The following DHX40 variants were observed in gnomAD, a reference collection of about 807,000 sequenced individuals.
The protein encoded by DHX40 is DEAH-box helicase 40, also known as probable ATP-dependent RNA helicase DHX40.
A neutral mutation model predicts 89.6 loss-of-function variants in DHX40; 28 were observed. The observed-to-expected ratio is 0.31, with a 90% CI of 0.23 to 0.43. The LOEUF (loss-of-function observed/expected upper bound fraction) is 0.43. DHX40 is among the 20% of genes least tolerant of loss of function. The probability of loss-of-function intolerance (pLI) is 1.00; values close to 1 mark genes in which losing one functional copy is unlikely to be tolerated. For synonymous variants in DHX40, 226 were observed against 283.6 expected, an observed-to-expected ratio of 0.80 and a Z score of 2.04; for missense variants, 457 against 844.0, an observed-to-expected ratio of 0.54 and a Z score of 5.68.
At chr17:59,587,705 G>A (rs2049019200) in intron 11 of DHX40, among the ~76,000 whole-genome samples, 191 bp from the exon 12 acceptor site, 1 of 151,846 alleles carries the variant, frequency 6.6e-6, no homozygotes, top group Admixed American at 6.6e-5. Context: ...TGATCCACCT[G>A]CCTCAGCTTC....
At chr17:59,587,295 C>T (rs566092188) in intron 11 of DHX40, among the ~76,000 whole-genome samples, 2 of 151,284 alleles carry the variant, frequency 1.3e-5, no homozygotes, top group Non-Finnish European at 2.9e-5. Context: ...GCAATCTCAC[C>T]TCACTGCAAT....
intron 12 of DHX40, among the ~76,000 whole-genome samples, chr17:59,589,099 C>A (rs1346682142): frequency 6.6e-6 from 1 of 151,780 alleles, no homozygotes; most frequent in Non-Finnish European, 1.5e-5. Flanking sequence ...TTTATAGTAA[C>A]TCTTGAAGTT....
intron 12 of DHX40, among the ~76,000 whole-genome samples, chr17:59,591,482 G>C (rs2049081881): frequency 6.6e-6 from 1 of 151,476 alleles, no homozygotes; most frequent in Non-Finnish European, 1.5e-5. Context: ...CAAGAAGTTG[G>C]ATTAAGGTGA....
Position 59,607,267 on chromosome 17 carries a change from T to C in DHX40, c.*95T>C, listed in dbSNP as rs1320940918. On this transcript the variant is annotated 3_prime_UTR_variant, in exon 18 of 18. Coordinates refer to ENST00000251241, the MANE Select transcript of DHX40 (RefSeq NM_024612.5). ...TTCAGACAGCACTACCAAGAGGAGG[T>C]GGTCAGCACTTGTTATTGGCCTATG... is the stretch of plus-strand genomic sequence containing the variant. The C allele has an allele frequency of 6.2e-7, 1 of 1,612,182 alleles. No homozygotes were observed.
chr17:59,589,101 C>T (rs1390222278), intron 12 of DHX40, among the ~76,000 whole-genome samples: 1 of 151,382 alleles, frequency 6.6e-6, no homozygotes, highest in Non-Finnish European at 1.5e-5. Flanking sequence ...TATAGTAACT[C>T]TTGAAGTTTT....
chr17:59,571,422 A>C (rs1438019545), intron 3 of DHX40, among the ~76,000 whole-genome samples: 5 of 146,188 alleles, frequency 3.4e-5, no homozygotes. Flanking sequence ...GCGCCACTGC[A>C]CTCCAGCCTG....
At chr17:59,601,856 A>G (rs1401510412) in intron 14 of DHX40, among the ~76,000 whole-genome samples, 1 of 152,194 alleles carries the variant, frequency 6.6e-6, no homozygotes, top group African/African-American at 2.4e-5. Flanking sequence ...GTGCAGGGCT[A>G]GTTATTCCCC....
chr17:59,600,024 G>A (rs1021878755), intron 14 of DHX40, among the ~76,000 whole-genome samples: 12 of 151,858 alleles, frequency 7.9e-5, no homozygotes, highest in South Asian at 6.2e-4. Flanking sequence ...GGGTTTTGCC[G>A]TGTTGGCCAG....
At chr17:59,596,486 T>C (rs1354501502) in intron 12 of DHX40, among the ~76,000 whole-genome samples, 1 of 152,160 alleles carries the variant, frequency 6.6e-6, no homozygotes, top group Non-Finnish European at 1.5e-5. Context: ...GAGAGTCCCT[T>C]GAACTTGGGA....
chr17:59,596,594 C>G (rs1598171138), intron 12 of DHX40, among the ~76,000 whole-genome samples: 2 of 152,114 alleles, frequency 1.3e-5, no homozygotes, highest in African/African-American at 4.8e-5. Flanking sequence ...CAAAATTAGT[C>G]TCCCGGAGCA....
rs764848896 is a variant in DHX40 at position 59,602,601 on chromosome 17, A to G, written c.1886A>G (p.Lys629Arg). ...AGATGTCTTTGTGCGGGCTATTTCA[A>G]AAATGTAGCTCGAAGGTAAGCAATA... is the stretch of plus-strand genomic sequence containing the variant. ...LRRCLCAGYFKNVARRSVGRT... is the reference protein window; with the variant it reads ...LRRCLCAGYFRNVARRSVGRT... Residue 629 changes from lysine (K) to arginine (R), a missense_variant, in exon 15 of 18, where the codon AAA becomes AGA. Coordinates refer to ENST00000251241, the MANE Select transcript of DHX40 (RefSeq NM_024612.5). The G allele has an allele frequency of 1.9e-6, 3 of 1,613,730 alleles. No homozygotes were observed. The highest frequency in any genetic ancestry group is 1.1e-5 in the South Asian group (1 of 91,050).
chr17:59,607,093 C>G lies in DHX40; in HGVS notation c.2261C>G (p.Ser754Cys), dbSNP rs1329474534. 5.0e-6 allele frequency: 8 copies of G among 1,614,056 alleles called. No homozygotes were observed. In the South Asian group the frequency reaches 7.7e-5, roughly 16 times the overall value. The change falls in exon 18 of 18, where the codon TCT (serine) becomes TGT (cysteine). Residue 754 changes from serine (S) to cysteine (C), a missense_variant. Around this residue, in one of 9 missense-constraint regions of DHX40, gnomAD observed 120 missense variants for 161.7 expected, o/e 0.74. Coordinates refer to ENST00000251241, the MANE Select transcript of DHX40 (RefSeq NM_024612.5). Reference protein sequence around the residue: ...MQRRNDDKSISDARARFLERK... With the variant: ...MQRRNDDKSICDARARFLERK... The stretch of plus-strand genomic sequence containing the variant: ...AGAAGAAATGATGACAAATCCATAT[C>G]TGATGCACGGGCTCGTTTCCTTGAG...
chr17:59,597,801 G>T (rs1387884443), intron 12 of DHX40, among the ~76,000 whole-genome samples: 1 of 151,466 alleles, frequency 6.6e-6, no homozygotes, highest in East Asian at 2.0e-4. Flanking sequence ...CGGGCGCGGT[G>T]GCGGGCGCCT....
At chr17:59,576,906 G>A (rs1442396203) in intron 7 of DHX40, among the ~76,000 whole-genome samples, 1 of 146,216 alleles carries the variant, frequency 6.8e-6, no homozygotes, top group Non-Finnish European at 1.5e-5. Flanking sequence ...GTCTCGCTCT[G>A]TCGCCCAGGC....
intron 12 of DHX40, among the ~76,000 whole-genome samples, chr17:59,590,522 C>T (rs1435872802): frequency 6.6e-6 from 1 of 151,332 alleles, no homozygotes; most frequent in Non-Finnish European, 1.5e-5. Context: ...GGCTGGAATG[C>T]AGTGGCGTGA....
At chr17:59,601,658 A>G (rs184008726) in intron 14 of DHX40, among the ~76,000 whole-genome samples, 1 of 152,290 alleles carries the variant, frequency 6.6e-6, no homozygotes, top group East Asian at 1.9e-4. Flanking sequence ...AGATGTCCTC[A>G]TTATGGATTG....
chr17:59,575,521 T>C (rs775426371), intron 7 of DHX40, 50 bp downstream of exon 7: 8 of 1,591,888 alleles, frequency 5.0e-6, no homozygotes, highest in Middle Eastern at 3.3e-4. Context: ...AAACTTTTTA[T>C]TGAATAATCG....
At chr17:59,580,857 G>A (rs564530169) in intron 10 of DHX40, among the ~76,000 whole-genome samples, 3 of 151,218 alleles carry the variant, frequency 2.0e-5, no homozygotes, top group South Asian at 2.1e-4. Context: ...CAAAGTGGGC[G>A]GATCCCTTGA....
intron 6 of DHX40, among the ~76,000 whole-genome samples, chr17:59,574,890 A>G (rs1191139922): frequency 6.6e-6 from 1 of 152,206 alleles, no homozygotes; most frequent in African/African-American, 2.4e-5. Context: ...CTTTTCAAAT[A>G]GCAGCACCCT....
Sources: gnomAD v4.1 joint callset for allele counts (sites outside exome capture counted in the v4.1 genomes callset) on GRCh38, gnomAD v4.1.1 for gene constraint, gnomAD v4.1.1 regional missense constraint, MANE v1.5 for transcripts, NCBI Gene and HGNC (gene_info 2026-07-23, HGNC 2026-07-21) for gene names.